Variants in MAP3K13 observed in about 807,000 individuals in gnomAD.
The protein encoded by MAP3K13 is mitogen-activated protein kinase kinase kinase 13, also known as leucine zipper-bearing kinase.
In MAP3K13, 52 loss-of-function variants were observed where a neutral mutation model predicts 104.0. The observed-to-expected ratio is 0.50, with a 90% CI of 0.40 to 0.63. The LOEUF is 0.63. Ranked by LOEUF, MAP3K13 falls within the 20% of genes least tolerant of loss-of-function variation. MAP3K13 has a pLI of 0.00. For synonymous variants in MAP3K13, 394 were observed against 442.2 expected (o/e 0.89, Z 1.37); for missense variants, 914 against 1,218.5 (o/e 0.75, Z 3.72).
At chr3:185,393,848 C>T (rs1360235036) in intron 1 of MAP3K13, among the ~76,000 whole-genome samples, 1 of 152,134 alleles carries the variant, frequency 6.6e-6, no homozygotes, top group Non-Finnish European at 1.5e-5. Context: ...AACCTATTTC[C>T]TTAGGCAGAA....
chr3:185,290,179 G>A (rs142051434), intron 2 of MAP3K13, among the ~76,000 whole-genome samples: 9 of 151,888 alleles, frequency 5.9e-5, no homozygotes, highest in East Asian at 1.9e-4. Context: ...TAGTTTTAGC[G>A]TAAGTTCAAT....
chr3:185,434,362 T>G (rs1714908313), intron 2 of MAP3K13, among the ~76,000 whole-genome samples: 1 of 152,154 alleles, frequency 6.6e-6, no homozygotes, highest in African/African-American at 2.4e-5. Flanking sequence ...AACACTAAAC[T>G]AAAATAGAAC....
intron 1 of MAP3K13, among the ~76,000 whole-genome samples, chr3:185,394,569 A>G (rs143188850): frequency 2.6e-5 from 4 of 152,212 alleles, no homozygotes; most frequent in African/African-American, 9.7e-5. Flanking sequence ...ATATAGCTAC[A>G]TAACTATTCC....
At chr3:185,350,000 A>C (rs1723078632) in intron 2 of MAP3K13, among the ~76,000 whole-genome samples, 1 of 152,252 alleles carries the variant, frequency 6.6e-6, no homozygotes, top group Non-Finnish European at 1.5e-5. Context: ...TGGTTTTTAA[A>C]AGATTAAAGC....
In MAP3K13 at chr3:185,455,055, ATG is replaced by A. The variant is rs1360925813; in HGVS notation, c.1278+3663_1278+3664del. ...TATATATGATATATATATGAGATAT[ATG>A]TGAGATATATATGAGATATATGTGA... On this transcript the variant is annotated intron_variant, in intron 7 of 13. Transcript: ENST00000265026. Among the ~76,000 whole-genome samples the A allele has an allele frequency of 1.8e-3, 164 of 93,512 alleles. 21 individuals carry two copies. The highest frequency in any genetic ancestry group is 6.5e-3 in the Admixed American group (45 of 6,888). 61.3% of individuals were successfully genotyped at this position (93,512 alleles called of 152,430 possible). A position where few individuals can be genotyped will look rare whatever the true frequency, so the allele number is the denominator to read the frequency against.
intron 2 of MAP3K13, among the ~76,000 whole-genome samples, chr3:185,354,474 C>A (rs1439455885): frequency 2.0e-5 from 3 of 150,892 alleles, no homozygotes; most frequent in African/African-American, 7.3e-5. Flanking sequence ...TAGGAGCAGA[C>A]CCTTAGCAGA....
Position 185,379,479 on chromosome 3 carries a change from T to C in MAP3K13, c.-86+16111T>C, listed in dbSNP as rs554136550. Among the ~76,000 whole-genome samples the C allele has an allele frequency of 2.6e-5, 4 of 152,260 alleles. No individual in the cohort carries two copies. In the South Asian group the frequency reaches 8.3e-4, roughly 32 times the overall value. On this transcript the variant is annotated intron_variant, in intron 1 of 13. Coordinates refer to ENST00000265026, the MANE Select transcript of MAP3K13 (RefSeq NM_004721.5). ...CTTACCCAATTTAAAATCAGTGAGA[T>C]GTTCCTTGGGCTGGTTGGTCTGAGG... is the stretch of plus-strand genomic sequence containing the variant.
chr3:185,345,394 C>A (rs1284375997), intron 2 of MAP3K13, among the ~76,000 whole-genome samples: 3 of 152,144 alleles, frequency 2.0e-5, no homozygotes, highest in African/African-American at 7.2e-5. Context: ...CAGGGGTCCC[C>A]AACCCCCTGG....
chr3:185,424,621 A>G (rs1260634918), intron 1 of MAP3K13, among the ~76,000 whole-genome samples: 2 of 152,246 alleles, frequency 1.3e-5, no homozygotes, highest in East Asian at 1.9e-4. Flanking sequence ...GGGAATATTT[A>G]CACCAGGGAA....
At chr3:185,478,851 G>A (rs1359961799) in intron 12 of MAP3K13, among the ~76,000 whole-genome samples, 3 of 146,130 alleles carry the variant, frequency 2.1e-5, no homozygotes, top group East Asian at 2.0e-4. Context: ...CAGCCTGGGC[G>A]ACAGAGTGAG....
At chr3:185,432,663 G>T (rs1385839274) in intron 2 of MAP3K13, among the ~76,000 whole-genome samples, 1 of 152,084 alleles carries the variant, frequency 6.6e-6, no homozygotes, top group Admixed American at 6.5e-5. Context: ...CTGAGGTTCA[G>T]ACTCAGAATG....
rs936227612 is a variant in MAP3K13 at position 185,418,489 on chromosome 3, C to T, written c.-85-10008C>T. The T allele has an allele frequency of 1.9e-5, 30 of 1,611,798 alleles. No homozygotes were observed. The highest frequency in any genetic ancestry group is 2.4e-5 in the Non-Finnish European group (28 of 1,179,776). ...GGTTGGTGCAAACCTTCGGCCTCCA[C>T]GACACATGTTTCCAAAAGCACCCTG... On this transcript the variant is annotated intron_variant, in intron 1 of 13. Coordinates refer to ENST00000265026, the MANE Select transcript of MAP3K13 (RefSeq NM_004721.5). The surrounding 1 kb of genome is among the most constrained non-coding windows in gnomAD (Gnocchi z 4.5).
At position 185,291,660 on chromosome 3, in the gene MAP3K13, T is replaced by A. The variant is rs745723195; in HGVS notation, c.-86+6017T>A. ...GACCATGGCCTATCATCATTATGCA[T>A]TCAAGATTTGAGTTTGAATAACCTC... is the stretch of plus-strand genomic sequence containing the variant. On this transcript the variant is annotated intron_variant, in intron 2 of 14. Coordinates refer to the MAP3K13 transcript ENST00000424227. 1.6e-5 allele frequency: 24 copies of A among 1,532,356 alleles called. No individual in the cohort carries two copies. The South Asian group carries it at 2.8e-4, about 18-fold the overall frequency. The allele number at this position is 1,532,356 out of a possible 1,614,324, so 94.9% of individuals were successfully genotyped here.
At chr3:185,361,098 A>ATGTGTGTGTGTG (rs34760922), upstream of MAP3K13, among the ~76,000 whole-genome samples, 1 of 146,624 alleles carries the variant, frequency 6.8e-6, no homozygotes, top group Middle Eastern at 3.3e-3. Flanking sequence ...ATATATATAT[A>ATGTGTGTGTGTG]TGTGTGTGTG....
At chr3:185,374,061 C>T (rs1724299938) in intron 1 of MAP3K13, among the ~76,000 whole-genome samples, 1 of 152,022 alleles carries the variant, frequency 6.6e-6, no homozygotes, top group African/African-American at 2.4e-5. Context: ...GTGGGGGAGA[C>T]TACAAAGTAC....
At chr3:185,307,285 C>G (rs1721318643) in intron 2 of MAP3K13, among the ~76,000 whole-genome samples, 1 of 151,400 alleles carries the variant, frequency 6.6e-6, no homozygotes, top group Non-Finnish European at 1.5e-5. Flanking sequence ...CCTTTTCTCT[C>G]TCTCTCTCCT....
intron 2 of MAP3K13, among the ~76,000 whole-genome samples, chr3:185,285,952 TG>T (rs1171445505): frequency 2.0e-5 from 3 of 152,158 alleles, no homozygotes; most frequent in Non-Finnish European, 4.4e-5. Context: ...ATTTAATCTG[TG>T]GATCCCGTGT....
At chr3:185,433,137 G>A (rs1714842360) in intron 2 of MAP3K13, among the ~76,000 whole-genome samples, 1 of 152,176 alleles carries the variant, frequency 6.6e-6, no homozygotes, top group Non-Finnish European at 1.5e-5. Flanking sequence ...AAGTAAAGTA[G>A]CATGCAATTT....
At position 185,335,683 on chromosome 3, in the gene MAP3K13, A is replaced by G. The variant is rs549104597; in HGVS notation, c.-86+50040A>G. On this transcript the variant is annotated intron_variant, in intron 2 of 14. Transcript: ENST00000424227. ...ATGCACATCCTCTCATATACTTTAAATCATCTCTAATTATTTATAATACCT... is the reference window on the plus strand; with the variant it reads ...ATGCACATCCTCTCATATACTTTAAGTCATCTCTAATTATTTATAATACCT... 3.3e-5 allele frequency among the ~76,000 whole-genome samples: 5 copies of G among 152,278 alleles called. No individual in the cohort carries two copies. The South Asian group carries it at 8.3e-4, about 25-fold the overall frequency.
Sources: gnomAD v4.1 joint callset for allele counts (sites outside exome capture counted in the v4.1 genomes callset) on GRCh38, gnomAD v4.1.1 for gene constraint, Gnocchi (gnomAD v3.1) non-coding constraint, MANE v1.5 for transcripts, NCBI Gene and HGNC (gene_info 2026-07-23, HGNC 2026-07-21) for gene names.